ZMYND11: variants seen among roughly 807,000 people sequenced by gnomAD.
ZMYND11 encodes the protein zinc finger MYND-type containing 11.
In ZMYND11, 9 loss-of-function variants were observed where a neutral mutation model predicts 84.9. The ratio of observed to expected loss-of-function variants is 0.11; its 90% CI spans 0.06 to 0.18. The LOEUF is 0.18. Ranked by LOEUF, ZMYND11 falls within the 10% of genes least tolerant of loss-of-function variation. ZMYND11 has a pLI of 1.00. For synonymous variants in ZMYND11, 250 were observed against 244.1 expected (o/e 1.02, Z -0.23); for missense variants, 409 against 761.0 (o/e 0.54, Z 5.44).
At chr10:220,706 G>A (rs1946998054) in intron 3 of ZMYND11, among the ~76,000 whole-genome samples, 1 of 152,096 alleles carries the variant, frequency 6.6e-6, no homozygotes, top group Admixed American at 6.5e-5. Context: ...AAAACATCCA[G>A]TGCCACAGAT....
upstream of ZMYND11, among the ~76,000 whole-genome samples, chr10:130,387 C>T (rs373920562): frequency 6.6e-6 from 1 of 152,168 alleles, no homozygotes; most frequent in South Asian, 2.1e-4. Flanking sequence ...GTGTGCTCGA[C>T]TACGGGACGT....
At chr10:211,583 AC>A (rs1945243875) in intron 3 of ZMYND11, among the ~76,000 whole-genome samples, 1 of 152,192 alleles carries the variant, frequency 6.6e-6, no homozygotes, top group African/African-American at 2.4e-5. Flanking sequence ...TAAGGTATAA[AC>A]TTAGAAAAGC....
rs571458436 is a variant in ZMYND11, at chr10:178,537, G to A, written c.-19-1457G>A. 5.3e-5 allele frequency among the ~76,000 whole-genome samples: 8 copies of A among 152,164 alleles called. No individual in the cohort carries two copies. The East Asian group carries it at 5.8e-4, about 11-fold the overall frequency. On this transcript the variant is annotated intron_variant, in intron 1 of 14. Coordinates refer to ENST00000381604, the MANE Select transcript of ZMYND11 (RefSeq NM_001370100.5). The stretch of plus-strand genomic sequence containing the variant: ...AGTGCACTTAAACAGATAAATTTTT[G>A]TACATTTAAAAGTGATTACTGTCTA...
At chr10:190,672 TTTC>T (rs1350961537) in intron 2 of ZMYND11, among the ~76,000 whole-genome samples, 2 of 152,220 alleles carry the variant, frequency 1.3e-5, no homozygotes, top group Non-Finnish European at 2.9e-5. Flanking sequence ...GACCCTGACG[TTTC>T]TTCTTTTCAT....
intron 1 of ZMYND11, among the ~76,000 whole-genome samples, chr10:146,336 T>C (rs150657615): frequency 3.9e-5 from 6 of 152,198 alleles, no homozygotes; most frequent in African/African-American, 1.4e-4. Flanking sequence ...TTGCATAGGA[T>C]TGCTTTGGCT....
chr10:239,871 G>A, intron 7 of ZMYND11, 185 bp from the exon 8 acceptor site: 2 of 563,972 alleles, frequency 3.5e-6, no homozygotes, highest in Non-Finnish European at 3.1e-6. Context: ...CTGAGAATTA[G>A]TGGTTGTATT....
chr10:224,732 A>G (rs1181947735), intron 4 of ZMYND11, among the ~76,000 whole-genome samples: 1 of 152,154 alleles, frequency 6.6e-6, no homozygotes, highest in Non-Finnish European at 1.5e-5. Flanking sequence ...GTACCCCAGA[A>G]TGACCTTTTT....
At chr10:214,354 A>G (rs937619880) in intron 3 of ZMYND11, among the ~76,000 whole-genome samples, 1 of 152,158 alleles carries the variant, frequency 6.6e-6, no homozygotes, top group Non-Finnish European at 1.5e-5. Context: ...ACCTGTAGTC[A>G]CAGCTACTTG....
In ZMYND11 at chr10:237,572, A is replaced by G; in HGVS notation, c.517-13A>G. The G allele has an allele frequency of 6.4e-7, 1 of 1,566,286 alleles. No homozygotes were observed. The highest frequency in any genetic ancestry group is 8.7e-7 in the Non-Finnish European group (1 of 1,145,524). ...TTAACCACATTTAAATTGATGTACT[A>G]ACACCCTCTTAGGCTATAGATCTTA... On this transcript the variant is annotated splice_polypyrimidine_tract_variant and intron_variant, in intron 5 of 14. Coordinates refer to ENST00000381604, the MANE Select transcript of ZMYND11 (RefSeq NM_001370100.5).
At chr10:164,915 G>GGGGTA (rs1458471476) in intron 1 of ZMYND11, among the ~76,000 whole-genome samples, 2 of 152,066 alleles carry the variant, frequency 1.3e-5, no homozygotes, top group African/African-American at 4.8e-5. Context: ...GCAGGAAGAG[G>GGGGTA]GGGTAGGGGG....
At chr10:246,674 T>G in intron 10 of ZMYND11, 92 bp from the exon 11 acceptor site, 1 of 1,267,348 alleles carries the variant, frequency 7.9e-7, no homozygotes, top group Admixed American at 1.9e-5. Context: ...CAGGTCGCAC[T>G]TTATGGCAGG....
At chr10:193,891 G>A (rs1321918440) in intron 2 of ZMYND11, among the ~76,000 whole-genome samples, 5 of 152,088 alleles carry the variant, frequency 3.3e-5, no homozygotes, top group Non-Finnish European at 5.9e-5. Flanking sequence ...ATGTATATTG[G>A]TAGTTCATTT....
intron 1 of ZMYND11, among the ~76,000 whole-genome samples, chr10:164,771 T>C (rs1319109774): frequency 1.3e-5 from 2 of 152,076 alleles, no homozygotes; most frequent in African/African-American, 4.8e-5. Context: ...AGTGTATGTG[T>C]GTTGGAGAGG....
intron 4 of ZMYND11, among the ~76,000 whole-genome samples, chr10:234,949 A>G (rs1005802083): frequency 6.6e-6 from 1 of 151,290 alleles, no homozygotes; most frequent in Non-Finnish European, 1.5e-5. Context: ...ACTGTGGTCT[A>G]GTGTACAAGA....
intron 10 of ZMYND11, among the ~76,000 whole-genome samples, chr10:245,689 G>A (rs752979706): frequency 6.6e-5 from 10 of 152,110 alleles, no homozygotes; most frequent in South Asian, 4.1e-4. Context: ...CCAAGACCAA[G>A]GCCGAATAAA....
chr10:147,006 G>A (rs1252702870), intron 1 of ZMYND11, among the ~76,000 whole-genome samples: 2 of 152,232 alleles, frequency 1.3e-5, no homozygotes, highest in African/African-American at 4.8e-5. Context: ...CCAGTCTCGA[G>A]TATGTCTTTC....
intron 3 of ZMYND11, among the ~76,000 whole-genome samples, chr10:214,130 T>C (rs938005575): frequency 6.6e-6 from 1 of 152,148 alleles, no homozygotes. Flanking sequence ...GCCCTAATGA[T>C]CACATAAGTG....
intron 1 of ZMYND11, among the ~76,000 whole-genome samples, chr10:174,911 C>G (rs900888143): frequency 5.4e-5 from 8 of 148,194 alleles, no homozygotes; most frequent in African/African-American, 2.0e-4. Context: ...CCCATGGGCA[C>G]TACAGTGGCA....
Position 135,815 on chromosome 10 carries a change from C to G in ZMYND11, c.-20+256C>G, listed in dbSNP as rs1248874197. The stretch of plus-strand genomic sequence containing the variant: ...AGGCTGCCGGCCCGCGCCCACTCGC[C>G]TTGGGCGGCCGCGGAAGAGGCCCCG... On this transcript the variant is annotated intron_variant, in intron 1 of 14. Transcript: ENST00000381604. This position sits in a 1 kb window ranked among gnomAD's most constrained non-coding sequence, Gnocchi z 5.6. Among the ~76,000 whole-genome samples the G allele has an allele frequency of 4.7e-5, 7 of 149,540 alleles. No homozygotes were observed. The highest frequency in any genetic ancestry group is 1.7e-4 in the African/African-American group (7 of 41,124).
Sources: allele counts gnomAD v4.1 joint callset (sites outside exome capture counted in the v4.1 genomes callset), GRCh38; gene constraint gnomAD v4.1.1; non-coding constraint Gnocchi (gnomAD v3.1); transcripts MANE v1.5; gene names NCBI Gene and HGNC (gene_info 2026-07-23, HGNC 2026-07-21).